SVOP: variants seen among roughly 807,000 people sequenced by gnomAD.
The protein encoded by SVOP is SV2 related protein, also known as synaptic vesicle 2-related protein.
A neutral mutation model predicts 69.1 loss-of-function variants in SVOP; 17 were observed. The observed-to-expected ratio is 0.25, with a 90% CI of 0.17 to 0.37. The LOEUF (loss-of-function observed/expected upper bound fraction) is 0.37, where lower values mean the gene tolerates loss of function less well. Ranked by LOEUF, SVOP falls within the 10% of genes least tolerant of loss-of-function variation. The pLI is 1.00. For missense variants in SVOP, 435 were observed against 597.5 expected (o/e 0.73, Z 2.84); for synonymous variants, 238 against 238.6 (o/e 1.00, Z 0.02).
In SVOP at chr12:108,922,923, GAGAC is replaced by G. The variant is rs2039759097; in HGVS notation, c.1049-130_1049-127del. 9 of 655,362 alleles carry G rather than the reference GAGAC, an allele frequency of 1.4e-5. No homozygotes were observed. In the East Asian group the frequency reaches 2.2e-4, roughly 16 times the overall value. The allele number at this position is 655,362 out of a possible 1,614,324, so 40.6% of individuals were successfully genotyped here. The stretch of plus-strand genomic sequence containing the variant: ...ATGCCATAGAAAGAGCCCAGACTCA[GAGAC>G]AGACAGATTCATGTTTGAACACCAA... On this transcript the variant is annotated intron_variant, in intron 11 of 15. Transcript: ENST00000610966.
chr12:108,962,582 G>A (rs1016697864), intron 5 of SVOP, among the ~76,000 whole-genome samples: 16 of 152,104 alleles, frequency 1.1e-4, no homozygotes, highest in Non-Finnish European at 2.4e-4. Context: ...CTGAGTAGCT[G>A]GGATTACAGA....
At chr12:108,918,583 A>G (rs575664470) in intron 13 of SVOP, among the ~76,000 whole-genome samples, 22 of 152,240 alleles carry the variant, frequency 1.4e-4, no homozygotes, top group African/African-American at 4.6e-4. Flanking sequence ...ACATCTCCCA[A>G]TCTTCCTCAG....
Position 109,020,883 on chromosome 12 carries a change from A to G in SVOP, c.-15T>C, listed in dbSNP as rs988183204. On this transcript the variant is annotated 5_prime_UTR_variant, in exon 1 of 16. Coordinates refer to ENST00000610966, the MANE Select transcript of SVOP (RefSeq NM_018711.5). Reference sequence around the variant, plus strand: ...TCCTCCTCCATGTCCGCGCTGCGCCAGGATGAGCCCTTCTCATGGCCCTTA... The same window carrying G: ...TCCTCCTCCATGTCCGCGCTGCGCCGGGATGAGCCCTTCTCATGGCCCTTA... 17 of 716,488 alleles carry G rather than the reference A, an allele frequency of 2.4e-5. No homozygotes were observed. Among genetic ancestry groups the G allele is most frequent in the Admixed American group, 2.2e-4 (11 of 49,750 alleles). The allele number at this position is 716,488 out of a possible 1,614,324, so 44.4% of individuals were successfully genotyped here.
At chr12:108,965,003 A>C (rs570707336) in intron 5 of SVOP, among the ~76,000 whole-genome samples, 1 of 152,330 alleles carries the variant, frequency 6.6e-6, no homozygotes, top group African/African-American at 2.4e-5. Context: ...CATGTTGAAC[A>C]CATGCTGTGT....
intron 1 of SVOP, among the ~76,000 whole-genome samples, chr12:108,984,349 A>G (rs2040156496): frequency 6.6e-6 from 1 of 152,188 alleles, no homozygotes; most frequent in South Asian, 2.1e-4. Context: ...AATTCACATA[A>G]AAAGCCAGAA....
Position 108,980,622 on chromosome 12 carries a change from C to T in SVOP, c.197-1959G>A, listed in dbSNP as rs1035516850. Among the ~76,000 whole-genome samples the T allele has an allele frequency of 3.2e-3, 415 of 131,018 alleles. 18 individuals are homozygous for T. The highest frequency in any genetic ancestry group is 0.012 in the African/African-American group (387 of 32,374). The allele number at this position is 131,018 out of a possible 152,430, so 86.0% of individuals were successfully genotyped here. A position where few individuals can be genotyped will look rare whatever the true frequency, so the allele number is the denominator to read the frequency against. The stretch of plus-strand genomic sequence containing the variant: ...AAAATTAGCTGGGCGCGGTGGCGGG[C>T]GCCTGTAGTCCCAGCTACTCAGGAG... On this transcript the variant is annotated intron_variant, in intron 2 of 15. Coordinates refer to ENST00000610966, the MANE Select transcript of SVOP (RefSeq NM_018711.5).
At chr12:108,926,931 G>C (rs1298000777) in intron 11 of SVOP, among the ~76,000 whole-genome samples, 1 of 152,174 alleles carries the variant, frequency 6.6e-6, no homozygotes, top group East Asian at 1.9e-4. Flanking sequence ...TATTTGTTTA[G>C]CAAACAGCCT....
chr12:108,939,655 A>C (rs1385008368), intron 8 of SVOP, among the ~76,000 whole-genome samples: 1 of 152,204 alleles, frequency 6.6e-6, no homozygotes, highest in African/African-American at 2.4e-5. Flanking sequence ...CAGTTTTCTC[A>C]TCAATAAAAA....
At chr12:108,969,565 C>G (rs1480021680) in intron 5 of SVOP, among the ~76,000 whole-genome samples, 1 of 151,288 alleles carries the variant, frequency 6.6e-6, no homozygotes, top group African/African-American at 2.4e-5. Context: ...GACCTCAGGT[C>G]ATCCTCCCAC....
chr12:108,912,535 C>T lies in SVOP; in HGVS notation c.1647G>A (p.Ter549=), dbSNP rs566794625. ...GACCAGCTCAGTCCCCCATCGGTCA[C>T]TATTCCTGAGAGCCAGAGTTCGACC... ...VTRSNSGSQE[*] The change falls in exon 16 of 16, where the codon TAG becomes TAA. Residue 549 remains the stop codon, a stop_retained_variant. Coordinates refer to ENST00000610966, the MANE Select transcript of SVOP (RefSeq NM_018711.5). 19 of 1,613,708 alleles carry T rather than the reference C, an allele frequency of 1.2e-5. No homozygotes were observed. The highest frequency in any genetic ancestry group is 1.5e-5 in the Non-Finnish European group (18 of 1,179,728).
At chr12:108,951,126 C>A (rs2137414620) in intron 6 of SVOP, among the ~76,000 whole-genome samples, 2 of 152,304 alleles carry the variant, frequency 1.3e-5, no homozygotes, top group South Asian at 4.1e-4. Flanking sequence ...CGAGGACAGG[C>A]TTTGTGTATA....
intron 12 of SVOP, among the ~76,000 whole-genome samples, chr12:108,921,849 G>A (rs757313784): frequency 2.1e-4 from 32 of 152,078 alleles, no homozygotes; most frequent in Non-Finnish European, 3.8e-4. Flanking sequence ...ATAACTAAAC[G>A]ACTTCACAAG....
chr12:109,006,156 G>T (rs141048266), intron 1 of SVOP, among the ~76,000 whole-genome samples: 2 of 152,224 alleles, frequency 1.3e-5, no homozygotes, highest in African/African-American at 2.4e-5. Context: ...GGATTCAAGC[G>T]ATTCTCCTGC....
chr12:108,920,358 G>A (rs2039740797), intron 12 of SVOP, among the ~76,000 whole-genome samples: 3 of 152,150 alleles, frequency 2.0e-5, no homozygotes, highest in Admixed American at 1.3e-4. Context: ...GCACCAGCAG[G>A]AGCCTGAATG....
chr12:108,931,374 C>T (rs2039817468), intron 11 of SVOP, among the ~76,000 whole-genome samples: 1 of 152,198 alleles, frequency 6.6e-6, no homozygotes, highest in Non-Finnish European at 1.5e-5. Flanking sequence ...CTTAAAAGCA[C>T]AGGCATAAAA....
At chr12:108,918,995 C>T (rs1160347332) in intron 13 of SVOP, among the ~76,000 whole-genome samples, 1 of 151,958 alleles carries the variant, frequency 6.6e-6, no homozygotes, top group Non-Finnish European at 1.5e-5. Flanking sequence ...TGGGCCTGCA[C>T]TGACACCTGC....
At chr12:109,003,378 A>G (rs942706003) in intron 1 of SVOP, among the ~76,000 whole-genome samples, 1 of 152,236 alleles carries the variant, frequency 6.6e-6, no homozygotes, top group Non-Finnish European at 1.5e-5. Context: ...ATGGAACAGC[A>G]TGCTGCTAAG....
intron 9 of SVOP, 36 bp from the exon 10 acceptor site, chr12:108,937,373 C>T: frequency 1.2e-6 from 2 of 1,603,984 alleles, no homozygotes; most frequent in Non-Finnish European, 1.7e-6. Context: ...TTATTCTCTC[C>T]CCTACAGATG....
chr12:108,914,069 C>T (rs1342306145), intron 15 of SVOP, among the ~76,000 whole-genome samples: 1 of 152,216 alleles, frequency 6.6e-6, no homozygotes, highest in Non-Finnish European at 1.5e-5. Flanking sequence ...GTTAGGAGTG[C>T]CACACAACGG....
Sources: gnomAD v4.1 joint callset for allele counts (sites outside exome capture counted in the v4.1 genomes callset) on GRCh38, gnomAD v4.1.1 for gene constraint, MANE v1.5 for transcripts, NCBI Gene and HGNC (gene_info 2026-07-23, HGNC 2026-07-21) for gene names.